CACNA2D4: variants seen among roughly 807,000 people sequenced by gnomAD.
The protein encoded by CACNA2D4 is voltage-dependent calcium channel subunit alpha-2/delta-4.
A neutral mutation model predicts 163.8 loss-of-function variants in CACNA2D4; 157 were observed. The observed-to-expected ratio is 0.96, with a 90% CI of 0.84 to 1.09. CACNA2D4 has a LOEUF of 1.09. Ranked by LOEUF, CACNA2D4 falls within the 50% of genes least tolerant of loss-of-function variation. The pLI, the probability that CACNA2D4 is intolerant of heterozygous loss-of-function variation, is 0.00. For synonymous variants in CACNA2D4, 598 were observed against 586.9 expected, an observed-to-expected ratio of 1.02 and a Z score of -0.27; for missense variants, 1,410 against 1,479.9, an observed-to-expected ratio of 0.95 and a Z score of 0.78.
chr12:1,914,794 G>T, intron 2 of CACNA2D4, 60 bp downstream of exon 2: 1 of 1,155,596 alleles, frequency 8.7e-7, no homozygotes, highest in Non-Finnish European at 1.3e-6. Context: ...GGCATTTGGG[G>T]GCTTCGATGG....
At chr12:1,912,982 G>T (rs117076618) in intron 3 of CACNA2D4, 41 bp downstream of exon 3, 1 of 1,322,532 alleles carries the variant, frequency 7.6e-7, no homozygotes, top group Non-Finnish European at 1.1e-6. Context: ...TGCGTCATGG[G>T]GCTGGGGAGA....
Position 1,799,756 on chromosome 12 carries a change from G to A in CACNA2D4, c.2975-61C>T. The A allele has an allele frequency of 6.5e-7, 1 of 1,549,910 alleles. No individual in the cohort carries two copies. Among genetic ancestry groups the A allele is most frequent in the Non-Finnish European group, 8.7e-7 (1 of 1,144,046 alleles). On this transcript the variant is annotated intron_variant, in intron 33 of 37. Transcript: ENST00000382722. The surrounding 1 kb of genome is among the most constrained non-coding windows in gnomAD (Gnocchi z 4.7). ...GGCACAGGAAAACATGGTGGCACATGAGGGCAGGATGTCATGGGGTGGTGA... is the reference window on the plus strand; with the variant it reads ...GGCACAGGAAAACATGGTGGCACATAAGGGCAGGATGTCATGGGGTGGTGA...
chr12:1,886,120 T>G (rs1866137114), intron 8 of CACNA2D4, 81 bp from the exon 9 acceptor site: 2 of 1,530,786 alleles, frequency 1.3e-6, no homozygotes, highest in Non-Finnish European at 1.8e-6. Flanking sequence ...GCAAAGACAC[T>G]CATGCAGGTC....
intron 35 of CACNA2D4, among the ~76,000 whole-genome samples, chr12:1,796,762 G>A (rs1246629508): frequency 6.6e-6 from 1 of 152,210 alleles, no homozygotes; most frequent in African/African-American, 2.4e-5. Context: ...ACGTCTGGCT[G>A]AGGCGACCCT....
At position 1,875,650 on chromosome 12, in the gene CACNA2D4, C is replaced by G. The variant is rs536046816; in HGVS notation, c.1720-313G>C. ...TTAGAAAGTTCCTCCTCACACAAAG[C>G]TGAAATCCATCTCCCTGTTACTTCC... On this transcript the variant is annotated intron_variant, in intron 16 of 37. Coordinates refer to ENST00000382722, the MANE Select transcript of CACNA2D4 (RefSeq NM_172364.5). The surrounding 1 kb of genome is among the most constrained non-coding windows in gnomAD (Gnocchi z 4.0). Among the ~76,000 whole-genome samples, 1 of 152,296 alleles carries G rather than the reference C, an allele frequency of 6.6e-6. No individual in the cohort carries two copies. The highest frequency in any genetic ancestry group is 2.1e-4 in the South Asian group (1 of 4,816).
intron 3 of CACNA2D4, 53 bp downstream of exon 3, chr12:1,912,970 C>T: frequency 8.5e-7 from 1 of 1,173,588 alleles, no homozygotes; most frequent in Middle Eastern, 2.0e-4. Flanking sequence ...CACTCTGCCA[C>T]CTGCGTCATG....
intron 5 of CACNA2D4, 118 bp from the exon 6 acceptor site, chr12:1,907,689 T>G: frequency 8.5e-7 from 1 of 1,177,992 alleles, no homozygotes; most frequent in Non-Finnish European, 1.2e-6. Context: ...GCGTGCCTGG[T>G]GGGTGTGCCT....
At chr12:1,916,009 G>T (rs987015675) in intron 1 of CACNA2D4, among the ~76,000 whole-genome samples, 7 of 152,222 alleles carry the variant, frequency 4.6e-5, no homozygotes, top group African/African-American at 1.7e-4. Context: ...ATAAGGGAAG[G>T]CTTCCCTGGG....
In CACNA2D4 at chr12:1,806,817, T is replaced by G. The variant is rs1472220962; in HGVS notation, c.2721+3461A>C. Reference sequence around the variant, plus strand: ...GCATCTCTAACAAGCTCCCAGATGCTGGGGCTTCTGTCCTTCAGCCACACT... The same window carrying G: ...GCATCTCTAACAAGCTCCCAGATGCGGGGGCTTCTGTCCTTCAGCCACACT... On this transcript the variant is annotated intron_variant, in intron 29 of 37. Transcript: ENST00000382722. The surrounding 1 kb of genome is among the most constrained non-coding windows in gnomAD (Gnocchi z 4.1). Among the ~76,000 whole-genome samples, 1 of 152,038 alleles carries G rather than the reference T, an allele frequency of 6.6e-6. No individual in the cohort carries two copies. Among genetic ancestry groups the G allele is most frequent in the East Asian group, 1.9e-4 (1 of 5,134 alleles).
intron 18 of CACNA2D4, among the ~76,000 whole-genome samples, chr12:1,868,808 A>T (rs1286736289): frequency 6.6e-6 from 1 of 152,174 alleles, no homozygotes; most frequent in Non-Finnish European, 1.5e-5. Context: ...ATTCCAGAAA[A>T]AAGGATAGTT....
chr12:1,845,612 A>G (rs7972678), intron 24 of CACNA2D4, among the ~76,000 whole-genome samples: 4,651 of 152,164 alleles, frequency 0.031, 223 homozygotes, highest in African/African-American at 0.11. Flanking sequence ...GCTGCTCTCC[A>G]GGTGCCTGAA....
chr12:1,885,551 C>T (rs1866115262), intron 9 of CACNA2D4, among the ~76,000 whole-genome samples: 1 of 152,148 alleles, frequency 6.6e-6, no homozygotes, highest in Non-Finnish European at 1.5e-5. Flanking sequence ...AAAATTATTG[C>T]CATGTCCTCT....
At chr12:1,885,661 G>A (rs1230002750) in intron 9 of CACNA2D4, among the ~76,000 whole-genome samples, 1 of 152,202 alleles carries the variant, frequency 6.6e-6, no homozygotes, top group Non-Finnish European at 1.5e-5. Context: ...ATAATGGAAA[G>A]GTCCAGGTGG....
chr12:1,868,462 G>A (rs1044225115), intron 18 of CACNA2D4, among the ~76,000 whole-genome samples: 8 of 151,538 alleles, frequency 5.3e-5, no homozygotes, highest in Admixed American at 4.0e-4. Flanking sequence ...GGGAAGGCAC[G>A]GTGGGAGGTG....
chr12:1,834,286 TG>T lies in CACNA2D4; in HGVS notation c.2551+6452del. On this transcript the variant is annotated intron_variant, in intron 26 of 37. Coordinates refer to ENST00000382722, the MANE Select transcript of CACNA2D4 (RefSeq NM_172364.5). This position sits in a 1 kb window ranked among gnomAD's most constrained non-coding sequence, Gnocchi z 7.6. The stretch of plus-strand genomic sequence containing the variant: ...ATGTAGGGGGACGCTTGGACCAGCT[TG>T]CCTGCACCCTGCCCAAGGAGCTGAG... The T allele has an allele frequency of 6.3e-7, 1 of 1,593,160 alleles. No individual in the cohort carries two copies. The highest frequency in any genetic ancestry group is 8.6e-7 in the Non-Finnish European group (1 of 1,168,016).
intron 26 of CACNA2D4, among the ~76,000 whole-genome samples, chr12:1,840,537 A>T (rs1296335890): frequency 6.6e-6 from 1 of 152,206 alleles, no homozygotes; most frequent in Non-Finnish European, 1.5e-5. Context: ...CATTTTGCTC[A>T]CTTCGTGAAT....
At chr12:1,838,973 C>T (rs1011321706) in intron 26 of CACNA2D4, among the ~76,000 whole-genome samples, 13 of 152,186 alleles carry the variant, frequency 8.5e-5, no homozygotes, top group Non-Finnish European at 1.2e-4. Context: ...GTGGCTGCAT[C>T]GCACACGACC....
intron 26 of CACNA2D4, among the ~76,000 whole-genome samples, chr12:1,814,399 G>C (rs960594350): frequency 6.6e-6 from 1 of 152,176 alleles, no homozygotes; most frequent in Non-Finnish European, 1.5e-5. Context: ...GCGAAATTTA[G>C]GGCATTGCAA....
chr12:1,814,762 C>T (rs968365391), intron 26 of CACNA2D4, among the ~76,000 whole-genome samples: 2 of 152,238 alleles, frequency 1.3e-5, no homozygotes, highest in Admixed American at 6.5e-5. Context: ...CAAGCACCCC[C>T]GAACTGGCCC....
Sources: gnomAD v4.1 joint callset for allele counts (sites outside exome capture counted in the v4.1 genomes callset) on GRCh38, gnomAD v4.1.1 for gene constraint, Gnocchi (gnomAD v3.1) non-coding constraint, MANE v1.5 for transcripts, NCBI Gene and HGNC (gene_info 2026-07-23, HGNC 2026-07-21) for gene names.